ZNF804B: variants seen among roughly 807,000 people sequenced by gnomAD.
The protein encoded by ZNF804B is zinc finger protein 804B.
A neutral mutation model predicts 101.4 loss-of-function variants in ZNF804B; 80 were observed. The observed-to-expected ratio is 0.79, with a 90% CI of 0.66 to 0.95. The LOEUF (loss-of-function observed/expected upper bound fraction) is 0.95. Ranked by LOEUF, ZNF804B falls within the 40% of genes least tolerant of loss-of-function variation. The pLI is 0.00. For synonymous variants in ZNF804B, 622 were observed against 558.8 expected, an observed-to-expected ratio of 1.11 and a Z score of -1.59; for missense variants, 1,673 against 1,561.9, an observed-to-expected ratio of 1.07 and a Z score of -1.20.
chr7:89,047,708 A>G (rs1312536911), intron 1 of ZNF804B, among the ~76,000 whole-genome samples: 1 of 152,154 alleles, frequency 6.6e-6, no homozygotes, highest in East Asian at 1.9e-4. Flanking sequence ...CATGTTCAAA[A>G]AATGGTGACA....
intron 1 of ZNF804B, among the ~76,000 whole-genome samples, chr7:89,000,201 CACAA>C (rs1000960026): frequency 5.9e-5 from 9 of 151,976 alleles, no homozygotes; most frequent in Non-Finnish European, 1.0e-4. Context: ...TACTGCATGA[CACAA>C]ACAAACAAGG....
intron 1 of ZNF804B, among the ~76,000 whole-genome samples, chr7:89,007,691 A>G (rs1788391302): frequency 6.7e-6 from 1 of 148,870 alleles, no homozygotes; most frequent in Non-Finnish European, 1.5e-5. Flanking sequence ...GCAAATAATT[A>G]TTCACTGTCT....
chr7:89,330,911 A>G (rs1157078324), intron 3 of ZNF804B, among the ~76,000 whole-genome samples: 1 of 151,216 alleles, frequency 6.6e-6, no homozygotes, highest in African/African-American at 2.4e-5. Context: ...AAACAGCAGT[A>G]CAGAAAAGAA....
At chr7:88,875,538 G>A (rs367966383) in intron 1 of ZNF804B, among the ~76,000 whole-genome samples, 37 of 152,038 alleles carry the variant, frequency 2.4e-4, no homozygotes, top group South Asian at 8.3e-4. Context: ...ACACCTCTAC[G>A]CAAATAAACT....
intron 1 of ZNF804B, among the ~76,000 whole-genome samples, chr7:89,083,101 TG>T (rs1352886099): frequency 1.3e-5 from 2 of 151,806 alleles, no homozygotes; most frequent in African/African-American, 4.8e-5. Flanking sequence ...CTTTTGTAAA[TG>T]CCTCTTGAAA....
At chr7:89,032,712 A>T (rs953351496) in intron 1 of ZNF804B, among the ~76,000 whole-genome samples, 4 of 152,042 alleles carry the variant, frequency 2.6e-5, no homozygotes, top group African/African-American at 9.7e-5. Flanking sequence ...AATAAGAGAG[A>T]CATCAGGGAG....
intron 1 of ZNF804B, among the ~76,000 whole-genome samples, chr7:88,982,007 A>C (rs555901364): frequency 5.3e-5 from 8 of 151,574 alleles, no homozygotes; most frequent in Non-Finnish European, 8.8e-5. Flanking sequence ...ATAGTTATTC[A>C]GTTTGTTTTT....
chr7:88,897,212 G>C (rs759214158), intron 1 of ZNF804B, among the ~76,000 whole-genome samples: 1 of 152,146 alleles, frequency 6.6e-6, no homozygotes, highest in East Asian at 1.9e-4. Flanking sequence ...AAAATGGGGA[G>C]ATCATCCTGG....
intron 1 of ZNF804B, among the ~76,000 whole-genome samples, chr7:88,790,376 G>T (rs1173103771): frequency 6.6e-6 from 1 of 151,922 alleles, no homozygotes; most frequent in East Asian, 2.0e-4. Context: ...CCATCCCTTA[G>T]GTATCAAGCC....
chr7:88,780,386 CTTTTTT>C (rs34619990), intron 1 of ZNF804B, among the ~76,000 whole-genome samples: 2 of 111,196 alleles, frequency 1.8e-5, no homozygotes, highest in African/African-American at 3.5e-5. Context: ...ACTTTTTTGT[CTTTTTT>C]TTTTTTTTTT....
At chr7:89,296,046 A>G (rs1462512647) in intron 2 of ZNF804B, among the ~76,000 whole-genome samples, 2 of 152,112 alleles carry the variant, frequency 1.3e-5, no homozygotes, top group African/African-American at 4.8e-5. Context: ...CATTAGATAC[A>G]ATGTGCACTA....
At chr7:89,051,065 T>C (rs1346368215) in intron 1 of ZNF804B, among the ~76,000 whole-genome samples, 2 of 152,116 alleles carry the variant, frequency 1.3e-5, no homozygotes, top group Non-Finnish European at 2.9e-5. Flanking sequence ...GGCTACACAA[T>C]GTTCCATAAT....
At position 88,939,834 on chromosome 7, in the gene ZNF804B, A is replaced by T. The variant is rs191355639; in HGVS notation, c.108+179750A>T. Among the ~76,000 whole-genome samples the T allele has an allele frequency of 1.0e-3, 154 of 152,068 alleles. 2 individuals are homozygous for T. The highest frequency in any genetic ancestry group is 8.5e-3 in the Admixed American group (129 of 15,256). ...GTCAGTATGAAATAATAGACAGCACATTTCATCAGGAACATACACCACTCC... is the reference window on the plus strand; with the variant it reads ...GTCAGTATGAAATAATAGACAGCACTTTTCATCAGGAACATACACCACTCC... On this transcript the variant is annotated intron_variant, in intron 1 of 3. Coordinates refer to ENST00000333190, the MANE Select transcript of ZNF804B (RefSeq NM_181646.5).
intron 1 of ZNF804B, among the ~76,000 whole-genome samples, chr7:88,822,299 A>T (rs1355873392): frequency 1.3e-5 from 2 of 152,150 alleles, no homozygotes; most frequent in Non-Finnish European, 2.9e-5. Flanking sequence ...TGGATACTCA[A>T]CCTCGATTAA....
Position 88,832,135 on chromosome 7 carries a change from A to G in ZNF804B, c.108+72051A>G, listed in dbSNP as rs775806296. On this transcript the variant is annotated intron_variant, in intron 1 of 3. Coordinates refer to ENST00000333190, the MANE Select transcript of ZNF804B (RefSeq NM_181646.5). The stretch of plus-strand genomic sequence containing the variant: ...TGGCATATGCATTCTGTAGAAGCCA[A>G]TGGTGATGCATTTCCACAGGAACTA... Among the ~76,000 whole-genome samples the G allele has an allele frequency of 4.0e-4, 60 of 151,474 alleles. 1 individual carries two copies. In the Middle Eastern group the frequency reaches 0.021, roughly 52 times the overall value.
At chr7:89,104,988 A>G (rs544966003) in intron 1 of ZNF804B, among the ~76,000 whole-genome samples, 2 of 152,266 alleles carry the variant, frequency 1.3e-5, no homozygotes, top group South Asian at 4.1e-4. Context: ...CTCACAACCC[A>G]TTTTAGTAAA....
chr7:89,051,203 T>A (rs1789199658), intron 1 of ZNF804B, among the ~76,000 whole-genome samples: 1 of 152,114 alleles, frequency 6.6e-6, no homozygotes. Flanking sequence ...TGTGCATGTA[T>A]ACAGTTATTT....
intron 1 of ZNF804B, among the ~76,000 whole-genome samples, chr7:88,952,321 C>T (rs138378321): frequency 1.2e-4 from 18 of 151,766 alleles, no homozygotes; most frequent in African/African-American, 2.7e-4. Context: ...AGAATACTGG[C>T]GAGGCCTCAA....
At chr7:89,051,750 A>G (rs1398792611) in intron 1 of ZNF804B, among the ~76,000 whole-genome samples, 1 of 152,102 alleles carries the variant, frequency 6.6e-6, no homozygotes, top group Non-Finnish European at 1.5e-5. Flanking sequence ...TATATTAACA[A>G]TTTGCAGTAT....
Sources: gnomAD v4.1 joint callset for allele counts (sites outside exome capture counted in the v4.1 genomes callset) on GRCh38, gnomAD v4.1.1 for gene constraint, MANE v1.5 for transcripts, NCBI Gene and HGNC (gene_info 2026-07-23, HGNC 2026-07-21) for gene names.